Variants in PKLR observed in about 807,000 individuals in gnomAD.
PKLR encodes pyruvate kinase L/R.
In PKLR, 38 loss-of-function variants were observed where a neutral mutation model predicts 53.6. The observed-to-expected ratio is 0.71, with a 90% confidence interval of 0.55 to 0.93. The LOEUF (loss-of-function observed/expected upper bound fraction) is 0.93, where lower values mean the gene tolerates loss of function less well. PKLR is among the 40% of genes least tolerant of loss of function. PKLR has a pLI of 0.00. For synonymous variants in PKLR, 328 were observed against 316.2 expected, an observed-to-expected ratio of 1.04 and a Z score of -0.39; for missense variants, 702 against 787.3, an observed-to-expected ratio of 0.89 and a Z score of 1.30.
chr1:155,293,600 A>G lies in PKLR; in HGVS notation c.1117-10T>C. The G allele has an allele frequency of 1.2e-6, 2 of 1,614,106 alleles. No individual in the cohort carries two copies. The highest frequency in any genetic ancestry group is 1.7e-6 in the Non-Finnish European group (2 of 1,179,986). Reference sequence around the variant, plus strand: ...TCATGCTCTCCAGCATCTGGGGGACAGCGTGGATGTCAAAGTTGTAGGACT... The same window carrying G: ...TCATGCTCTCCAGCATCTGGGGGACGGCGTGGATGTCAAAGTTGTAGGACT... On this transcript the variant is annotated splice_polypyrimidine_tract_variant and intron_variant, in intron 7 of 10. Transcript: ENST00000342741. The surrounding 1 kb of genome is among the most constrained non-coding windows in gnomAD (Gnocchi z 4.2).
In PKLR at chr1:155,291,918, G is replaced by A. The variant is rs116100695; in HGVS notation, c.1456C>T (p.Arg486Trp). 3.0e-3 allele frequency: 4,766 copies of A among 1,613,440 alleles called. 8 individuals carry two copies. Among genetic ancestry groups the A allele is most frequent in the Middle Eastern group, 5.8e-3 (32 of 5,488 alleles). ...TTGRSAQLLSRYRPRAAVIAV... is the reference protein window; with the variant it reads ...TTGRSAQLLSWYRPRAAVIAV... ...ATGACTGCTGCCCGAGGTCGGTACC[G>A]AGACAGAAGCTGGGCTGAGCTGGAG... Residue 486 changes from arginine (R) to tryptophan (W), a missense_variant, in exon 10 of 11, where the codon CGG (arginine) becomes TGG (tryptophan). Arg to Trp is a moderately radical substitution (Grantham distance 101, BLOSUM62 -3). Transcript: ENST00000342741.
upstream of PKLR, among the ~76,000 whole-genome samples, chr1:155,304,943 G>A (rs2148224284): frequency 6.6e-6 from 1 of 152,330 alleles, no homozygotes; most frequent in African/African-American, 2.4e-5. Flanking sequence ...AGCAAGGTGT[G>A]TTCCTTTTCC....
Position 155,294,307 on chromosome 1 carries a change from C to A in PKLR, c.1044G>T (p.Lys348Asn). 6.2e-7 allele frequency: 1 copy of A among 1,614,130 alleles called. No homozygotes were observed. Among genetic ancestry groups the A allele is most frequent in the East Asian group, 2.2e-5 (1 of 44,880 alleles). Residue 348 changes from lysine to asparagine, a missense_variant, in exon 7 of 11, where the codon AAG (lysine) becomes AAT (asparagine). By Grantham distance (94) the Lys-to-Asn change is moderately conservative (BLOSUM62 0). Coordinates refer to ENST00000342741, the MANE Select transcript of PKLR (RefSeq NM_000298.6). ...TCATCATCTTCTGAGCCAGGAAAAC[C>A]TTCTCTGCTGGGATCTCGATGCCTA... ...GDLGIEIPAE[K>N]VFLAQKMMIG...
rs1647303395 is a variant in PKLR, at chr1:155,293,052, C to A, written c.1436+125G>T. 1.0e-6 allele frequency: 1 copy of A among 996,082 alleles called. No individual in the cohort carries two copies. The highest frequency in any genetic ancestry group is 2.6e-4 in the Middle Eastern group (1 of 3,860). The allele number at this position is 996,082 out of a possible 1,614,324, so 61.7% of individuals were successfully genotyped here. A position where few individuals can be genotyped will look rare whatever the true frequency, so the allele number is the denominator to read the frequency against. The stretch of plus-strand genomic sequence containing the variant: ...TCCTGGCCTCCAGCTGTCATTGCTG[C>A]CTCTCCTCTTGTCTCAGGTGGACAC... On this transcript the variant is annotated intron_variant, in intron 9 of 10. Coordinates refer to ENST00000342741, the MANE Select transcript of PKLR (RefSeq NM_000298.6). This position sits in a 1 kb window ranked among gnomAD's most constrained non-coding sequence, Gnocchi z 4.2.
At chr1:155,307,352 C>T in the PKLR span, among the ~76,000 whole-genome samples, 7 of 152,278 alleles carry the variant, frequency 4.6e-5, no homozygotes, top group South Asian at 1.2e-3. Flanking sequence ...GTCAGAGGTG[C>T]GTGAACCAGA....
In PKLR at chr1:155,293,674, C is replaced by T; in HGVS notation, c.1117-84G>A. On this transcript the variant is annotated intron_variant, in intron 7 of 10. Transcript: ENST00000342741. The surrounding 1 kb of genome is among the most constrained non-coding windows in gnomAD (Gnocchi z 4.2). ...CCAAGCTACTTCTCTGACACCCACA[C>T]TCTCAGAGTGTCCCAAAATCCAGGG... 1 of 1,387,282 alleles carries T rather than the reference C, an allele frequency of 7.2e-7. No individual in the cohort carries two copies. Among genetic ancestry groups the T allele is most frequent in the East Asian group, 2.3e-5 (1 of 43,454 alleles). 85.9% of individuals were successfully genotyped at this position (1,387,282 alleles called of 1,614,324 possible). A position where few individuals can be genotyped will look rare whatever the true frequency, so the allele number is the denominator to read the frequency against.
At position 155,300,174 on chromosome 1, in the gene PKLR, G is replaced by A. The variant is rs770187539; in HGVS notation, c.207C>T (p.Phe69=). ...TGTCCAGTAGGCAGAGGTGTTCCAG[G>A]AAGGTGTCTGCCATAGCAGCTGGCA... ...QQLPAAMADT[F]LEHLCLLDID... The change falls in exon 2 of 11, where the codon TTC becomes TTT. Residue 69 remains phenylalanine, a synonymous_variant. Transcript: ENST00000342741. The A allele has an allele frequency of 6.2e-7, 1 of 1,614,088 alleles. No homozygotes were observed. Among genetic ancestry groups the A allele is most frequent in the East Asian group, 2.2e-5 (1 of 44,886 alleles).
At chr1:155,303,932 C>T (rs1473167483), upstream of PKLR, among the ~76,000 whole-genome samples, 9 of 151,960 alleles carry the variant, frequency 5.9e-5, no homozygotes, top group Admixed American at 5.9e-4. Context: ...GGGGCGGGGG[C>T]AGAAATAATA....
Position 155,295,752 on chromosome 1 carries a change from T to G in PKLR, c.288A>C (p.Pro96=). ...RSTSIIATIG[P]ASRSVERLKE... ...TGAGGCGCTCCACGGAGCGAGATGC[T>G]GGCCCTAGAACCAGAGATTCACGTT... Residue 96 remains proline (P), a synonymous_variant, in exon 3 of 11, where the codon CCA becomes CCC. Transcript: ENST00000342741. The surrounding 1 kb of genome is among the most constrained non-coding windows in gnomAD (Gnocchi z 4.3). 6.2e-7 allele frequency: 1 copy of G among 1,613,628 alleles called. No homozygotes were observed. The highest frequency in any genetic ancestry group is 8.5e-7 in the Non-Finnish European group (1 of 1,179,584).
rs754321902 is a variant in PKLR, at chr1:155,293,468, G to A, written c.1239C>T (p.Phe413=). Residue 413 remains phenylalanine, a synonymous_variant, in exon 8 of 11, where the codon TTC becomes TTT. Transcript: ENST00000342741. The surrounding 1 kb of genome is among the most constrained non-coding windows in gnomAD (Gnocchi z 4.2). The part of the protein sequence containing the change: ...MLSGETAKGN[F]PVEAVKMQHA... ...GCTGCATCTTCACCGCTTCCACAGG[G>A]AAGTTGCCCTTGGCAGTCTCCCCTG... 1.2e-6 allele frequency: 2 copies of A among 1,614,230 alleles called. No individual in the cohort carries two copies. Among genetic ancestry groups the A allele is most frequent in the East Asian group, 2.2e-5 (1 of 44,882 alleles).
At chr1:155,302,145 C>T (rs116269004), upstream of PKLR, among the ~76,000 whole-genome samples, 1,782 of 151,390 alleles carry the variant, frequency 0.012, 45 homozygotes, top group African/African-American at 0.042. Flanking sequence ...GCAACCTCTG[C>T]GATCCTCCTG....
Position 155,293,068 on chromosome 1 carries a change from A to G in PKLR, c.1436+109T>C. On this transcript the variant is annotated intron_variant, in intron 9 of 10. Transcript: ENST00000342741. The surrounding 1 kb of genome is among the most constrained non-coding windows in gnomAD (Gnocchi z 4.2). ...TCATTGCTGCCTCTCCTCTTGTCTCAGGTGGACACTCTTCACCCCTGGTGA... is the reference window on the plus strand; with the variant it reads ...TCATTGCTGCCTCTCCTCTTGTCTCGGGTGGACACTCTTCACCCCTGGTGA... 9.0e-7 allele frequency: 1 copy of G among 1,115,290 alleles called. No homozygotes were observed. The highest frequency in any genetic ancestry group is 1.2e-5 in the South Asian group (1 of 80,100). 69.1% of individuals were successfully genotyped at this position (1,115,290 alleles called of 1,614,324 possible).
intron 1 of PKLR, 172 bp downstream of exon 1, chr1:155,301,124 C>G: frequency 7.3e-7 from 1 of 1,368,522 alleles, no homozygotes. Flanking sequence ...CTGGAAAAGA[C>G]CCAGGCCAGG....
Position 155,294,341 on chromosome 1 carries a change from C to G in PKLR, c.1010G>C (p.Arg337Pro). The change falls in exon 7 of 11, where the codon CGG becomes CCG. Residue 337 changes from arginine to proline, a missense_variant. By Grantham distance (103) the Arg-to-Pro change is moderately radical. Around this residue, in one of 2 missense-constraint regions of PKLR, gnomAD observed 519 missense variants for 537.1 expected, o/e 0.97. Coordinates refer to ENST00000342741, the MANE Select transcript of PKLR (RefSeq NM_000298.6). ...TGGGATCTCGATGCCTAGGTCCCCC[C>G]GTGCCACCATGATGCCGTCGCTCAC... ...LEVSDGIMVA[R>P]GDLGIEIPAE... 2 of 1,614,112 alleles carry G rather than the reference C, an allele frequency of 1.2e-6. No homozygotes were observed. The highest frequency in any genetic ancestry group is 1.7e-6 in the Non-Finnish European group (2 of 1,179,996).
chr1:155,305,464 T>A (rs903018283), upstream of PKLR, among the ~76,000 whole-genome samples: 1 of 152,128 alleles, frequency 6.6e-6, no homozygotes, highest in Non-Finnish European at 1.5e-5. Flanking sequence ...AGAGAGGACT[T>A]CCGGAGGGAA....
At chr1:155,302,437 A>T (rs1320940403), upstream of PKLR, among the ~76,000 whole-genome samples, 1 of 151,208 alleles carries the variant, frequency 6.6e-6, no homozygotes, top group Non-Finnish European at 1.5e-5. Flanking sequence ...GGGTTTCACC[A>T]TGTTGGTCAG....
At chr1:155,299,049 T>TTTCCTTCCTTCC (rs71077995) in intron 2 of PKLR, among the ~76,000 whole-genome samples, 1 of 130,506 alleles carries the variant, frequency 7.7e-6, no homozygotes, top group Non-Finnish European at 1.6e-5. Flanking sequence ...TCTTTCTTTC[T>TTTCCTTCCTTCC]TTCCTTCCTT....
chr1:155,293,677 T>G lies in PKLR; in HGVS notation c.1117-87A>C. 2 of 1,377,422 alleles carry G rather than the reference T, an allele frequency of 1.5e-6. No individual in the cohort carries two copies. The highest frequency in any genetic ancestry group is 2.1e-6 in the Non-Finnish European group (2 of 973,552). 85.3% of individuals were successfully genotyped at this position (1,377,422 alleles called of 1,614,324 possible). A position where few individuals can be genotyped will look rare whatever the true frequency, so the allele number is the denominator to read the frequency against. On this transcript the variant is annotated intron_variant, in intron 7 of 10. Coordinates refer to ENST00000342741, the MANE Select transcript of PKLR (RefSeq NM_000298.6). The surrounding 1 kb of genome is among the most constrained non-coding windows in gnomAD (Gnocchi z 4.2). ...AGCTACTTCTCTGACACCCACACTC[T>G]CAGAGTGTCCCAAAATCCAGGGTCA...
intron 1 of PKLR, 97 bp from the exon 2 acceptor site, chr1:155,300,377 G>T: frequency 1.1e-6 from 1 of 927,494 alleles, no homozygotes; most frequent in Non-Finnish European, 1.7e-6. Context: ...CTTCTTATGA[G>T]CTGGGCATCA....
Sources: allele counts gnomAD v4.1 joint callset (sites outside exome capture counted in the v4.1 genomes callset), GRCh38; gene constraint gnomAD v4.1.1; regional missense constraint gnomAD v4.1.1; non-coding constraint Gnocchi (gnomAD v3.1); transcripts MANE v1.5; gene names NCBI Gene and HGNC (gene_info 2026-07-23, HGNC 2026-07-21).